NDUFAB1: variants seen among roughly 807,000 people sequenced by gnomAD.
The protein encoded by NDUFAB1 is acyl carrier protein, mitochondrial.
A neutral mutation model predicts 16.1 loss-of-function variants in NDUFAB1; 5 were observed. That is an observed-to-expected ratio of 0.31 (90% CI 0.16 to 0.65). The LOEUF is 0.65. Ranked by LOEUF, NDUFAB1 falls within the 30% of genes least tolerant of loss-of-function variation. The probability of loss-of-function intolerance (pLI) is 0.77; values close to 1 mark genes in which losing one functional copy is unlikely to be tolerated. For synonymous variants in NDUFAB1, 85 were observed against 78.4 expected (o/e 1.08, Z -0.44); for missense variants, 187 against 205.3 (o/e 0.91, Z 0.54).
intron 1 of NDUFAB1, 37 bp from the exon 2 acceptor site, chr16:23,587,356 T>G (rs775544903): frequency 1.6e-5 from 26 of 1,609,344 alleles, no homozygotes; most frequent in Non-Finnish European, 2.1e-5. Context: ...TGTCATTGAA[T>G]GGAAAATACC....
rs1244387373 is a variant in NDUFAB1, at chr16:23,584,599, TCCTACTATTATCAC to T, written c.379+723_379+736del. 2.0e-5 allele frequency among the ~76,000 whole-genome samples: 3 copies of T among 152,116 alleles called. No homozygotes were observed. In the East Asian group the frequency reaches 5.8e-4, roughly 29 times the overall value. On this transcript the variant is annotated intron_variant, in intron 3 of 4. Transcript: ENST00000007516. Reference sequence around the variant, plus strand: ...CTCACAGCAATTCCAATCCTGGGGTTCCTACTATTATCACCCCCACTTTACAGCTGAGGAAACAG... The same window carrying T: ...CTCACAGCAATTCCAATCCTGGGGTTCCCCACTTTACAGCTGAGGAAACAG...
At chr16:23,588,217 G>A (rs1232877069) in intron 1 of NDUFAB1, among the ~76,000 whole-genome samples, 2 of 152,218 alleles carry the variant, frequency 1.3e-5, no homozygotes, top group East Asian at 1.9e-4. Flanking sequence ...CACTTTGGGA[G>A]GCCACGGTGA....
At chr16:23,592,703 T>G (rs528450903) in intron 1 of NDUFAB1, among the ~76,000 whole-genome samples, 3 of 152,208 alleles carry the variant, frequency 2.0e-5, no homozygotes, top group Non-Finnish European at 4.4e-5. Context: ...TTTTGTTTTT[T>G]TGTTTTTTCC....
At position 23,596,159 on chromosome 16, in the gene NDUFAB1, C is replaced by G. The variant is rs754437802; in HGVS notation, c.132G>C (p.Arg44Ser). 79 of 1,610,600 alleles carry G rather than the reference C, an allele frequency of 4.9e-5. 1 individual carries two copies. Among genetic ancestry groups the G allele is most frequent in the Non-Finnish European group, 6.0e-5 (71 of 1,178,792 alleles). The change falls in exon 1 of 5, where the codon AGG becomes AGC. Residue 44 changes from arginine (R) to serine (S), a missense_variant. Physicochemically the swap from Arg to Ser is moderately radical, Grantham distance 110 (BLOSUM62 -1). Transcript: ENST00000007516. Reference protein sequence around the residue: ...TALCSAGTQTRLGTLQPALVL... With the variant: ...TALCSAGTQTSLGTLQPALVL... ...CTAAGGCCGGCTGCAAAGTCCCGAG[C>G]CTCGTCTGGGTCCCCGCGGAGCAGA...
chr16:23,589,700 C>T (rs902768742), intron 1 of NDUFAB1, among the ~76,000 whole-genome samples: 2 of 151,128 alleles, frequency 1.3e-5, no homozygotes, highest in African/African-American at 4.9e-5. Context: ...TTTGGGAGGC[C>T]AAGGTGGGCG....
chr16:23,592,485 G>A (rs1966289058), intron 1 of NDUFAB1, among the ~76,000 whole-genome samples: 1 of 152,176 alleles, frequency 6.6e-6, no homozygotes, highest in Non-Finnish European at 1.5e-5. Context: ...AAGGGCCATG[G>A]GAAGGGACTG....
intron 1 of NDUFAB1, chr16:23,595,515 G>C: frequency 8.8e-6 from 4 of 452,946 alleles, no homozygotes; most frequent in Non-Finnish European, 1.8e-5. Flanking sequence ...AATACTGGTC[G>C]CGTTTGGTTG....
At chr16:23,590,372 G>C (rs1966269396) in intron 1 of NDUFAB1, among the ~76,000 whole-genome samples, 1 of 152,084 alleles carries the variant, frequency 6.6e-6, no homozygotes, top group South Asian at 2.1e-4. Flanking sequence ...GCCTTGGGTG[G>C]GTTACTTAAC....
chr16:23,596,014 C>A lies in NDUFAB1; in HGVS notation c.168+109G>T. The stretch of plus-strand genomic sequence containing the variant: ...GGGCTGCGGAGCGAGCCGGCTGCCC[C>A]CCGGGTCACCCCTGCCTGCAGCTGG... On this transcript the variant is annotated intron_variant, in intron 1 of 4. Coordinates refer to ENST00000007516, the MANE Select transcript of NDUFAB1 (RefSeq NM_005003.3). 4 of 1,347,298 alleles carry A rather than the reference C, an allele frequency of 3.0e-6. No homozygotes were observed. The South Asian group carries it at 4.4e-5, about 15-fold the overall frequency. The allele number at this position is 1,347,298 out of a possible 1,614,324, so 83.5% of individuals were successfully genotyped here. A position where few individuals can be genotyped will look rare whatever the true frequency, so the allele number is the denominator to read the frequency against.
intron 1 of NDUFAB1, among the ~76,000 whole-genome samples, chr16:23,592,811 G>C (rs1256763489): frequency 2.0e-5 from 3 of 152,186 alleles, no homozygotes; most frequent in African/African-American, 7.2e-5. Context: ...TAGTTGCTCT[G>C]AAGTTGGCAT....
At chr16:23,583,556 G>A (rs1966202015) in intron 3 of NDUFAB1, among the ~76,000 whole-genome samples, 3 of 152,080 alleles carry the variant, frequency 2.0e-5, no homozygotes, top group African/African-American at 7.2e-5. Context: ...CCCCATCTGG[G>A]AGGTGAGGAG....
chr16:23,595,252 G>A (rs920232926), intron 1 of NDUFAB1, among the ~76,000 whole-genome samples: 7 of 152,150 alleles, frequency 4.6e-5, no homozygotes, highest in Admixed American at 1.3e-4. Context: ...CTGGGTGACA[G>A]AGCGAGACTC....
At chr16:23,590,666 T>C (rs1279888358) in intron 1 of NDUFAB1, among the ~76,000 whole-genome samples, 1 of 135,470 alleles carries the variant, frequency 7.4e-6, no homozygotes, top group African/African-American at 2.9e-5. Flanking sequence ...AGACAGAGTC[T>C]CACTGTGTTG....
intron 1 of NDUFAB1, among the ~76,000 whole-genome samples, 161 bp downstream of exon 1, chr16:23,595,962 G>A (rs1183796493): frequency 6.6e-6 from 1 of 152,234 alleles, no homozygotes; most frequent in African/African-American, 2.4e-5. Context: ...CTCCCGTCAG[G>A]GGTCAACTAA....
At position 23,587,672 on chromosome 16, in the gene NDUFAB1, C is replaced by T. The variant is rs4147620; in HGVS notation, c.169-353G>A. On this transcript the variant is annotated intron_variant, in intron 1 of 4. Coordinates refer to ENST00000007516, the MANE Select transcript of NDUFAB1 (RefSeq NM_005003.3). ...TCTTCTCATGGCATCTTCAGCATCC[C>T]GAGGCCTCTACAGGGTGCTGCCACC... 9.8e-4 allele frequency among the ~76,000 whole-genome samples: 150 copies of T among 152,354 alleles called. 1 individual carries two copies. In the East Asian group the frequency reaches 0.026, roughly 26 times the overall value.
At chr16:23,581,514 C>T (rs1035797703) in intron 4 of NDUFAB1, among the ~76,000 whole-genome samples, 7 of 150,720 alleles carry the variant, frequency 4.6e-5, no homozygotes, top group African/African-American at 1.7e-4. Flanking sequence ...CCACTACACT[C>T]CAGCCTGGGC....
chr16:23,583,835 A>C (rs1966206840), intron 3 of NDUFAB1, among the ~76,000 whole-genome samples: 1 of 152,202 alleles, frequency 6.6e-6, no homozygotes, highest in Non-Finnish European at 1.5e-5. Context: ...AATGTGGGGA[A>C]AAGATAGAGA....
chr16:23,586,796 G>A (rs1414101248), intron 2 of NDUFAB1, among the ~76,000 whole-genome samples: 1 of 152,004 alleles, frequency 6.6e-6, no homozygotes, highest in African/African-American at 2.4e-5. Context: ...TTACAGGTAT[G>A]TGCCACCATG....
At chr16:23,581,459 T>A (rs1279440101) in intron 4 of NDUFAB1, among the ~76,000 whole-genome samples, 1 of 151,672 alleles carries the variant, frequency 6.6e-6, no homozygotes, top group Non-Finnish European at 1.5e-5. Flanking sequence ...GGCCGGAGAA[T>A]TGCTTGAACC....
Sources: allele counts gnomAD v4.1 joint callset (sites outside exome capture counted in the v4.1 genomes callset), GRCh38; gene constraint gnomAD v4.1.1; transcripts MANE v1.5; gene names NCBI Gene and HGNC (gene_info 2026-07-23, HGNC 2026-07-21).